Variants in FBXO16 observed in about 807,000 individuals in gnomAD.
FBXO16 encodes F-box only protein 16.
Under a neutral mutation model 41.0 loss-of-function variants are expected in FBXO16, and 31 were observed. The observed-to-expected ratio is 0.76, with a 90% CI of 0.57 to 1.02. The LOEUF (loss-of-function observed/expected upper bound fraction) is 1.02. Ranked by LOEUF, FBXO16 falls within the 50% of genes least tolerant of loss-of-function variation. The pLI is 0.00. For missense variants in FBXO16, 361 were observed against 346.2 expected (o/e 1.04, Z -0.34); for synonymous variants, 133 against 117.8 (o/e 1.13, Z -0.84).
intron 4 of FBXO16, among the ~76,000 whole-genome samples, chr8:28,459,950 C>T (rs1242443556): frequency 1.3e-5 from 2 of 149,666 alleles, no homozygotes; most frequent in African/African-American, 4.9e-5. Context: ...CTCTTGAACC[C>T]GGGAGGCGGA....
At chr8:28,489,525 CAAAAAAA>C (rs3049787) in intron 1 of FBXO16, among the ~76,000 whole-genome samples, 10 of 128,222 alleles carry the variant, frequency 7.8e-5, no homozygotes, top group Admixed American at 1.6e-4. Flanking sequence ...CCTATCTCTA[CAAAAAAA>C]AAAAAAAAAA....
At chr8:28,462,859 G>A (rs1803159927) in intron 4 of FBXO16, among the ~76,000 whole-genome samples, 1 of 152,088 alleles carries the variant, frequency 6.6e-6, no homozygotes, top group African/African-American at 2.4e-5. Flanking sequence ...TATCTCATTA[G>A]GTCCTTATTT....
At position 28,463,713 on chromosome 8, in the gene FBXO16, T is replaced by G; in HGVS notation, c.241A>C (p.Ile81Leu). 1 of 1,614,230 alleles carries G rather than the reference T, an allele frequency of 6.2e-7. No individual in the cohort carries two copies. The highest frequency in any genetic ancestry group is 8.5e-7 in the Non-Finnish European group (1 of 1,180,044). Residue 81 changes from isoleucine to leucine, a missense_variant, in exon 4 of 9, where the codon ATT becomes CTT. Ile to Leu is a conservative substitution (Grantham distance 5). Transcript: ENST00000380254. The stretch of plus-strand genomic sequence containing the variant: ...GTAAAGTCCAGGGCTTCTGCTGGAA[T>G]TTTCTCTTGAAGCTTTCGACAGCAG... The part of the protein sequence containing the change: ...KFCCRKLQEK[I>L]PAEALDFTTK...
chr8:28,430,187 C>T, intron 7 of FBXO16, among the ~76,000 whole-genome samples: 1 of 152,162 alleles, frequency 6.6e-6, no homozygotes, highest in Non-Finnish European at 1.5e-5. Context: ...ATCCTCCCAC[C>T]TCAGCCTCCC....
intron 2 of FBXO16, among the ~76,000 whole-genome samples, chr8:28,475,460 A>C (rs976467065): frequency 9.2e-5 from 14 of 152,238 alleles, no homozygotes; most frequent in South Asian, 4.1e-4. Context: ...AGATAAACTC[A>C]GAATTTCTAG....
chr8:28,453,276 C>G (rs765969102), intron 5 of FBXO16, among the ~76,000 whole-genome samples: 6 of 149,392 alleles, frequency 4.0e-5, no homozygotes, highest in Non-Finnish European at 8.8e-5. Context: ...ACCTCCCTAT[C>G]CTACTCTTGT....
chr8:28,483,276 G>GT, intron 2 of FBXO16, 72 bp downstream of exon 2: 3 of 1,315,642 alleles, frequency 2.3e-6, no homozygotes, highest in Non-Finnish European at 3.2e-6. Context: ...TCATATTTTG[G>GT]TAAGTAAAAT....
intron 3 of FBXO16, 27 bp from the exon 4 acceptor site, chr8:28,463,845 T>C: frequency 6.2e-7 from 1 of 1,606,810 alleles, no homozygotes; most frequent in Non-Finnish European, 8.5e-7. Flanking sequence ...AAGCAAAATG[T>C]AAAAAGCTCC....
At chr8:28,483,216 C>A in intron 2 of FBXO16, 132 bp downstream of exon 2, 1 of 810,932 alleles carries the variant, frequency 1.2e-6, no homozygotes. Flanking sequence ...TTTGGAATAT[C>A]TTCATTTTGG....
intron 1 of FBXO16, among the ~76,000 whole-genome samples, chr8:28,488,222 T>C (rs532993417): frequency 9.2e-5 from 14 of 151,878 alleles, no homozygotes; most frequent in African/African-American, 1.7e-4. Context: ...TCTTGACATA[T>C]GGTTCTAGTC....
At chr8:28,457,277 C>T (rs998518396) in intron 4 of FBXO16, among the ~76,000 whole-genome samples, 8 of 152,140 alleles carry the variant, frequency 5.3e-5, no homozygotes, top group Admixed American at 3.3e-4. Context: ...GACTTCGGAA[C>T]TTTCTAGAGG....
chr8:28,435,743 G>A (rs150627670), intron 7 of FBXO16, among the ~76,000 whole-genome samples: 2,447 of 152,222 alleles, frequency 0.016, 31 homozygotes, highest in Admixed American at 0.024. Context: ...TAGGTGAAGG[G>A]TGGGGATCAA....
intron 7 of FBXO16, among the ~76,000 whole-genome samples, chr8:28,444,371 C>G (rs112623459): frequency 2.1e-5 from 3 of 143,524 alleles, no homozygotes; most frequent in African/African-American, 7.8e-5. Flanking sequence ...GGCGCGATCT[C>G]GGCTCACTGC....
chr8:28,433,882 G>A (rs1168421120), intron 7 of FBXO16, among the ~76,000 whole-genome samples: 1 of 151,946 alleles, frequency 6.6e-6, no homozygotes, highest in Non-Finnish European at 1.5e-5. Context: ...GGAGGCTAAG[G>A]CCCAAGAAGA....
intron 3 of FBXO16, among the ~76,000 whole-genome samples, chr8:28,471,083 G>C (rs1563367989): frequency 6.6e-6 from 1 of 152,118 alleles, no homozygotes; most frequent in Non-Finnish European, 1.5e-5. Flanking sequence ...TTTCTAACAG[G>C]GATTGAAGGG....
At chr8:28,428,776 A>C in intron 8 of FBXO16, 40 bp from the exon 9 acceptor site, 1 of 1,476,108 alleles carries the variant, frequency 6.8e-7, no homozygotes, top group Non-Finnish European at 9.0e-7. Context: ...AGGGTTATTG[A>C]AATACCAAGG....
At chr8:28,473,256 A>G (rs1803365606) in intron 3 of FBXO16, among the ~76,000 whole-genome samples, 1 of 152,214 alleles carries the variant, frequency 6.6e-6, no homozygotes, top group Non-Finnish European at 1.5e-5. Context: ...TACCTACAGA[A>G]AGCACCTGCC....
chr8:28,482,889 A>AC lies in FBXO16; in HGVS notation c.99+458dup, dbSNP rs755766629. Among the ~76,000 whole-genome samples, 337 of 152,234 alleles carry AC rather than the reference A, an allele frequency of 2.2e-3. 1 individual carries two copies. Among genetic ancestry groups the AC allele is most frequent in the Admixed American group, 3.6e-3 (55 of 15,292 alleles). The stretch of plus-strand genomic sequence containing the variant: ...CCACCGCACCCAGCCATGAAAATAA[A>AC]CGTCTTAAGAGAACCTGAGTAATGT... On this transcript the variant is annotated intron_variant, in intron 2 of 8. Coordinates refer to ENST00000380254, the MANE Select transcript of FBXO16 (RefSeq NM_172366.4).
At chr8:28,458,643 C>A (rs1047417245) in intron 4 of FBXO16, among the ~76,000 whole-genome samples, 2 of 150,592 alleles carry the variant, frequency 1.3e-5, no homozygotes, top group South Asian at 2.1e-4. Context: ...ACCTCCGCCT[C>A]CCGGGATCAA....
Sources: gnomAD v4.1 joint callset for allele counts (sites outside exome capture counted in the v4.1 genomes callset) on GRCh38, gnomAD v4.1.1 for gene constraint, MANE v1.5 for transcripts, NCBI Gene and HGNC (gene_info 2026-07-23, HGNC 2026-07-21) for gene names.